The following CEP128 variants were observed in gnomAD, a reference collection of about 807,000 sequenced individuals.
CEP128 encodes centrosomal protein 128.
Under a neutral mutation model 156.7 loss-of-function variants are expected in CEP128, and 132 were observed. The observed-to-expected ratio is 0.84, with a 90% confidence interval of 0.73 to 0.97. The LOEUF is 0.97. Ranked by LOEUF, CEP128 falls within the 50% of genes least tolerant of loss-of-function variation. The probability of loss-of-function intolerance (pLI) is 0.00; values close to 1 mark genes in which losing one functional copy is unlikely to be tolerated. For missense variants in CEP128, 1,252 were observed against 1,281.9 expected, an observed-to-expected ratio of 0.98 and a Z score of 0.36; for synonymous variants, 469 against 448.9, an observed-to-expected ratio of 1.04 and a Z score of -0.57.
At chr14:80,916,804 A>G (rs1884589952) in intron 2 of CEP128, among the ~76,000 whole-genome samples, 1 of 152,086 alleles carries the variant, frequency 6.6e-6, no homozygotes. Flanking sequence ...CATGTTTACA[A>G]CTCCAGTGAT....
At chr14:80,778,995 C>T (rs971158965) in intron 15 of CEP128, among the ~76,000 whole-genome samples, 22 of 152,036 alleles carry the variant, frequency 1.4e-4, no homozygotes, top group African/African-American at 5.3e-4. Context: ...TGAATAAATG[C>T]AGAGTCAGGA....
In CEP128 at chr14:80,895,934, G is replaced by A. The variant is rs1429064547; in HGVS notation, c.573-144C>T. On this transcript the variant is annotated intron_variant, in intron 7 of 24. Coordinates refer to ENST00000555265, the MANE Select transcript of CEP128 (RefSeq NM_152446.5). ...AATGTTATAAACATCTGAAACACGT[G>A]GAAGGCTTGTTAAAACACAGACTGC... The A allele has an allele frequency of 9.4e-6, 6 of 640,134 alleles. No individual in the cohort carries two copies. In the African/African-American group the frequency reaches 1.1e-4, roughly 12 times the overall value. 39.7% of individuals were successfully genotyped at this position (640,134 alleles called of 1,614,324 possible). A position where few individuals can be genotyped will look rare whatever the true frequency, so the allele number is the denominator to read the frequency against.
At chr14:80,514,924 C>A (rs1351591213) in intron 23 of CEP128, among the ~76,000 whole-genome samples, 1 of 152,208 alleles carries the variant, frequency 6.6e-6, no homozygotes, top group East Asian at 1.9e-4. Flanking sequence ...TTGGTCCCTG[C>A]AGCCATGTCT....
intron 19 of CEP128, among the ~76,000 whole-genome samples, chr14:80,671,965 T>G (rs1414823917): frequency 6.6e-6 from 1 of 152,136 alleles, no homozygotes; most frequent in Non-Finnish European, 1.5e-5. Flanking sequence ...GACAGGCCTC[T>G]GAAGTTTAAA....
intron 16 of CEP128, among the ~76,000 whole-genome samples, chr14:80,775,867 C>G (rs1177033829): frequency 6.6e-6 from 1 of 152,216 alleles, no homozygotes; most frequent in East Asian, 1.9e-4. Context: ...GAGTCTCGCG[C>G]TGTCGCCCAG....
chr14:80,509,763 C>A (rs1451588860), intron 23 of CEP128, among the ~76,000 whole-genome samples: 1 of 152,092 alleles, frequency 6.6e-6, no homozygotes. Flanking sequence ...AATTTGAGGT[C>A]ATCTATGGCT....
At chr14:80,799,686 G>A (rs1336039798) in intron 13 of CEP128, among the ~76,000 whole-genome samples, 1 of 152,250 alleles carries the variant, frequency 6.6e-6, no homozygotes, top group Admixed American at 6.5e-5. Flanking sequence ...GGGAATGTCT[G>A]TCTTGTGCAG....
intron 19 of CEP128, among the ~76,000 whole-genome samples, chr14:80,654,280 G>A (rs8022701): frequency 0.029 from 4,419 of 152,150 alleles, 205 homozygotes; most frequent in African/African-American, 0.1. Flanking sequence ...GAAGAATACA[G>A]TCAGGAAAAA....
intron 10 of CEP128, among the ~76,000 whole-genome samples, chr14:80,839,766 C>T (rs1322338181): frequency 6.6e-6 from 1 of 151,834 alleles, no homozygotes; most frequent in African/African-American, 2.4e-5. Flanking sequence ...ACATGTGGCT[C>T]ATAAAACAAA....
chr14:80,693,650 CTAAGT>C (rs1337143135), intron 19 of CEP128, among the ~76,000 whole-genome samples: 1 of 152,028 alleles, frequency 6.6e-6, no homozygotes, highest in Non-Finnish European at 1.5e-5. Flanking sequence ...GTTTCCAATA[CTAAGT>C]TATCTAAAAA....
intron 10 of CEP128, among the ~76,000 whole-genome samples, chr14:80,839,838 C>T (rs1427340576): frequency 6.6e-6 from 1 of 151,912 alleles, no homozygotes; most frequent in Non-Finnish European, 1.5e-5. Flanking sequence ...AAATACTGTC[C>T]TGTTCTTCAG....
intron 4 of CEP128, among the ~76,000 whole-genome samples, chr14:80,907,398 G>A (rs889219928): frequency 2.6e-5 from 4 of 152,014 alleles, no homozygotes; most frequent in Non-Finnish European, 4.4e-5. Flanking sequence ...GGTTGCTCGC[G>A]CCTGTAATCC....
intron 23 of CEP128, among the ~76,000 whole-genome samples, chr14:80,513,469 G>A (rs1447035831): frequency 1.3e-5 from 2 of 152,104 alleles, no homozygotes; most frequent in Middle Eastern, 3.2e-3. Context: ...TTTACTTGGT[G>A]TTCTATAACC....
chr14:80,742,367 A>G lies in CEP128; in HGVS notation c.2806+708T>C, dbSNP rs917750797. Among the ~76,000 whole-genome samples the G allele has an allele frequency of 7.3e-5, 11 of 151,574 alleles. No individual in the cohort carries two copies. The East Asian group carries it at 7.8e-4, about 11-fold the overall frequency. Reference sequence around the variant, plus strand: ...CTCCTGTGAGTCCTCTCTCTTCCTCACCTTGGGCTGGTCCTCCACAACGTC... The same window carrying G: ...CTCCTGTGAGTCCTCTCTCTTCCTCGCCTTGGGCTGGTCCTCCACAACGTC... On this transcript the variant is annotated intron_variant, in intron 19 of 24. Transcript: ENST00000555265.
At chr14:80,879,606 G>A (rs1458301520) in intron 8 of CEP128, among the ~76,000 whole-genome samples, 1 of 151,938 alleles carries the variant, frequency 6.6e-6, no homozygotes, top group African/African-American at 2.4e-5. Context: ...AGAAGAGACA[G>A]TTTGTGAATT....
In CEP128 at chr14:80,922,587, G is replaced by A. The variant is rs191110788; in HGVS notation, c.-15-6025C>T. Among the ~76,000 whole-genome samples the A allele has an allele frequency of 1.3e-3, 204 of 152,186 alleles. 1 individual carries two copies. Among genetic ancestry groups the A allele is most frequent in the Non-Finnish European group, 1.5e-3 (102 of 68,004 alleles). ...TGCATCAAAATCTACTTTGGAGAAC[G>A]AATTAAAAATGGTTCACAAGTTATG... On this transcript the variant is annotated intron_variant, in intron 2 of 24. Coordinates refer to ENST00000555265, the MANE Select transcript of CEP128 (RefSeq NM_152446.5).
intron 14 of CEP128, among the ~76,000 whole-genome samples, chr14:80,480,549 C>T (rs1215627063): frequency 1.3e-5 from 2 of 152,124 alleles, no homozygotes; most frequent in South Asian, 2.1e-4. Flanking sequence ...TATTTTCCTC[C>T]TGGGCCTGCA....
intron 2 of CEP128, 58 bp downstream of exon 2, chr14:80,939,327 T>C (rs997761736): frequency 2.2e-5 from 3 of 135,934 alleles, no homozygotes; most frequent in African/African-American, 8.0e-5. Context: ...TAGTCTTTTC[T>C]ACCATAAATA....
intron 19 of CEP128, among the ~76,000 whole-genome samples, chr14:80,699,800 G>T (rs758036607): frequency 4.6e-5 from 7 of 152,092 alleles, no homozygotes; most frequent in Non-Finnish European, 1.0e-4. Context: ...TACAAGACTG[G>T]ACTTTCAAAT....
Sources: allele counts gnomAD v4.1 joint callset (sites outside exome capture counted in the v4.1 genomes callset), GRCh38; gene constraint gnomAD v4.1.1; transcripts MANE v1.5; gene names NCBI Gene and HGNC (gene_info 2026-07-23, HGNC 2026-07-21).